Variants in BCL2L13 observed in about 807,000 individuals in gnomAD.
BCL2L13 encodes the protein BCL2 like 13, also known as bcl-2-like protein 13.
A neutral mutation model predicts 25.8 loss-of-function variants in BCL2L13; 13 were observed. That is an observed-to-expected ratio of 0.50 (90% CI 0.33 to 0.80). The LOEUF (loss-of-function observed/expected upper bound fraction) is 0.80. Among genes scored for constraint, BCL2L13 ranks in the 30% least tolerant of loss-of-function variants. The probability of loss-of-function intolerance (pLI) is 0.02; values close to 1 mark genes in which losing one functional copy is unlikely to be tolerated. For synonymous variants in BCL2L13, 244 were observed against 230.3 expected (o/e 1.06, Z -0.54); for missense variants, 504 against 574.9 (o/e 0.88, Z 1.26).
At position 17,723,762 on chromosome 22, in the gene BCL2L13, G is replaced by A. The variant is rs563033355; in HGVS notation, c.601-2915G>A. On this transcript the variant is annotated intron_variant, in intron 6 of 6. Transcript: ENST00000317582. ...ATCCTGGCCAACATGGTGAAACCCC[G>A]TCTCTACTAAAAATACAAGTATTAG... is the stretch of plus-strand genomic sequence containing the variant. Among the ~76,000 whole-genome samples the A allele has an allele frequency of 1.4e-3, 215 of 152,066 alleles. 1 individual carries two copies. Among genetic ancestry groups the A allele is most frequent in the African/African-American group, 4.7e-3 (194 of 41,482 alleles).
chr22:17,692,690 T>C (rs2060138348), intron 4 of BCL2L13, among the ~76,000 whole-genome samples: 1 of 152,224 alleles, frequency 6.6e-6, no homozygotes, highest in Non-Finnish European at 1.5e-5. Flanking sequence ...ATTGATTTGA[T>C]ACAGACTTAG....
intron 1 of BCL2L13, among the ~76,000 whole-genome samples, chr22:17,647,573 C>T (rs184384338): frequency 6.6e-6 from 1 of 152,234 alleles, no homozygotes; most frequent in Non-Finnish European, 1.5e-5. Flanking sequence ...CTCTGCATTC[C>T]TCTCACCTAG....
intron 6 of BCL2L13, among the ~76,000 whole-genome samples, chr22:17,711,160 T>A (rs562230025): frequency 6.6e-6 from 1 of 152,080 alleles, no homozygotes; most frequent in Admixed American, 6.6e-5. Context: ...ATTTTCAGGC[T>A]GTAGTGAGTT....
At chr22:17,639,552 G>C (rs1043382043) in intron 1 of BCL2L13, among the ~76,000 whole-genome samples, 6 of 152,146 alleles carry the variant, frequency 3.9e-5, no homozygotes, top group African/African-American at 1.4e-4. Context: ...AAAATCGGAC[G>C]GATCTGGCCA....
At position 17,661,689 on chromosome 22, in the gene BCL2L13, G is replaced by A. The variant is rs1012350543; in HGVS notation, c.121+5857G>A. Among the ~76,000 whole-genome samples the A allele has an allele frequency of 4.8e-5, 7 of 145,930 alleles. 1 individual carries two copies. The highest frequency in any genetic ancestry group is 1.5e-4 in the African/African-American group (6 of 41,084). On this transcript the variant is annotated intron_variant, in intron 2 of 6. Transcript: ENST00000317582. ...AGAGATTTCACACTTACTATGACAT[G>A]ATTAGAATTGCATAATTATGTGCCG...
At chr22:17,651,842 C>T (rs903547745) in intron 1 of BCL2L13, among the ~76,000 whole-genome samples, 2 of 152,144 alleles carry the variant, frequency 1.3e-5, no homozygotes, top group African/African-American at 4.8e-5. Flanking sequence ...AGGCGCCTGC[C>T]ACCACGCCCG....
chr22:17,681,771 G>A (rs1159382243), intron 2 of BCL2L13, among the ~76,000 whole-genome samples: 1 of 152,090 alleles, frequency 6.6e-6, no homozygotes, highest in Non-Finnish European at 1.5e-5. Context: ...GGCGAGAGGC[G>A]ACATTGTGCA....
intron 2 of BCL2L13, among the ~76,000 whole-genome samples, chr22:17,678,378 G>A (rs145297523): frequency 3.5e-4 from 53 of 152,170 alleles, no homozygotes; most frequent in Middle Eastern, 3.4e-3. Flanking sequence ...CAGTATCACC[G>A]ATATAGACAG....
At chr22:17,669,262 G>A (rs1054302356) in intron 2 of BCL2L13, among the ~76,000 whole-genome samples, 2 of 151,974 alleles carry the variant, frequency 1.3e-5, no homozygotes, top group Non-Finnish European at 2.9e-5. Context: ...TCAATCTCCT[G>A]ACCTCGTGAT....
chr22:17,712,169 T>C (rs1178053851), intron 6 of BCL2L13, among the ~76,000 whole-genome samples: 1 of 152,320 alleles, frequency 6.6e-6, no homozygotes, highest in East Asian at 1.9e-4. Context: ...AATTGGATGA[T>C]CTTCTCATGG....
intron 6 of BCL2L13, among the ~76,000 whole-genome samples, chr22:17,716,528 G>T (rs910433485): frequency 2.0e-4 from 31 of 152,124 alleles, no homozygotes; most frequent in Non-Finnish European, 2.6e-4. Flanking sequence ...AGAGATTTGG[G>T]TGAAATGATG....
chr22:17,642,597 A>G (rs569628391), intron 1 of BCL2L13, among the ~76,000 whole-genome samples: 60 of 143,718 alleles, frequency 4.2e-4, no homozygotes, highest in African/African-American at 1.4e-3. Context: ...GTTGATGGGC[A>G]TTTTTTTTTT....
At chr22:17,715,122 T>TATATATATATATA (rs2060877693) in intron 6 of BCL2L13, among the ~76,000 whole-genome samples, 1 of 52,982 alleles carries the variant, frequency 1.9e-5, no homozygotes, top group Non-Finnish European at 3.4e-5. Flanking sequence ...AGTGTTAATT[T>TATATATATATATA]TATATATATA....
At chr22:17,631,706 A>ATATATATATTT (rs1568904043) in intron 1 of BCL2L13, among the ~76,000 whole-genome samples, 1 of 10,936 alleles carries the variant, frequency 9.1e-5, no homozygotes, top group Non-Finnish European at 1.7e-4. Flanking sequence ...ATATATATAT[A>ATATATATATTT]TTTTTTTTTT....
chr22:17,678,144 T>C (rs1416454358), intron 2 of BCL2L13, among the ~76,000 whole-genome samples: 1 of 152,130 alleles, frequency 6.6e-6, no homozygotes, highest in Non-Finnish European at 1.5e-5. Flanking sequence ...CACATCAGGC[T>C]CCCGAGTATC....
intron 5 of BCL2L13, among the ~76,000 whole-genome samples, chr22:17,699,813 G>A (rs1020928282): frequency 6.6e-6 from 1 of 152,122 alleles, no homozygotes; most frequent in Non-Finnish European, 1.5e-5. Flanking sequence ...CTTGTGGATA[G>A]TAAAATGTCA....
rs144712899 is a variant in BCL2L13 at position 17,655,717 on chromosome 22, G to A, written c.6G>A (p.Ala2=). The change falls in exon 2 of 7, where the codon GCG becomes GCA. Residue 2 remains alanine (A), a synonymous_variant. Transcript: ENST00000317582. ...GAGCCTCACCAGCCAATTCAATGGC[G>A]TCCTCTTCTACTGTGCCTCTGGGAT... M[A]SSSTVPLGFH... The A allele has an allele frequency of 2.0e-4, 323 of 1,611,230 alleles. No homozygotes were observed. The highest frequency in any genetic ancestry group is 4.9e-4 in the Middle Eastern group (3 of 6,074).
intron 6 of BCL2L13, among the ~76,000 whole-genome samples, chr22:17,722,743 A>G (rs998907946): frequency 6.6e-6 from 1 of 152,178 alleles, no homozygotes; most frequent in African/African-American, 2.4e-5. Flanking sequence ...ACCTGGTAGG[A>G]TTTTATATTG....
At chr22:17,705,459 G>A (rs1017850304) in intron 6 of BCL2L13, among the ~76,000 whole-genome samples, 2 of 151,556 alleles carry the variant, frequency 1.3e-5, no homozygotes, top group East Asian at 2.0e-4. Context: ...CACCACACCC[G>A]GCTAATTTTT....
Sources: allele counts gnomAD v4.1 joint callset (sites outside exome capture counted in the v4.1 genomes callset), GRCh38; gene constraint gnomAD v4.1.1; transcripts MANE v1.5; gene names NCBI Gene and HGNC (gene_info 2026-07-23, HGNC 2026-07-21).